ADAT1: variants seen among roughly 807,000 people sequenced by gnomAD.
ADAT1 encodes the protein adenosine deaminase tRNA specific 1.
A neutral mutation model predicts 58.6 loss-of-function variants in ADAT1; 58 were observed. The ratio of observed to expected loss-of-function variants is 0.99; its 90% CI spans 0.80 to 1.23. The LOEUF (loss-of-function observed/expected upper bound fraction) is 1.23, where lower values mean the gene tolerates loss of function less well. Ranked by LOEUF, ADAT1 falls within the 50% of genes most tolerant of loss-of-function variation. ADAT1 has a pLI of 0.00. For missense variants in ADAT1, 741 were observed against 608.6 expected (o/e 1.22, Z -2.29); for synonymous variants, 254 against 220.8 (o/e 1.15, Z -1.33).
rs746290396 is a variant in ADAT1, at chr16:75,617,251, C to T, written c.315G>A (p.Gln105=). The part of the protein sequence containing the change: ...SFQRYLLHQL[Q]LAATLKEDSI... ...TATCCTCTTTCAGGGTGGCTGCCAA[C>T]TGGAGTTGGTGGAGAAGGTACCTAA... is the stretch of plus-strand genomic sequence containing the variant. Residue 105 remains glutamine, a synonymous_variant, in exon 5 of 10, where the codon CAG becomes CAA. Transcript: ENST00000564657. 6.2e-7 allele frequency: 1 copy of T among 1,613,470 alleles called. No individual in the cohort carries two copies. Among genetic ancestry groups the T allele is most frequent in the Non-Finnish European group, 8.5e-7 (1 of 1,179,476 alleles).
chr16:75,604,378 A>G (rs2081305789), intron 8 of ADAT1, among the ~76,000 whole-genome samples: 1 of 142,762 alleles, frequency 7.0e-6, no homozygotes. Context: ...GGTTGCAGTG[A>G]GCCAAGACTG....
rs2081310683 is a variant in ADAT1 at position 75,604,455 on chromosome 16, A to AT, written c.1290-1285_1290-1284insA. ...CTCAAAAAAAAAAAAAAAAAAAAAAAAATATATATATATATATATACACAC... is the reference window on the plus strand; with the variant it reads ...CTCAAAAAAAAAAAAAAAAAAAAAAATAATATATATATATATATATACACAC... On this transcript the variant is annotated intron_variant, in intron 8 of 9. Coordinates refer to ENST00000564657, the MANE Select transcript of ADAT1 (RefSeq NM_001324445.2). Among the ~76,000 whole-genome samples the AT allele has an allele frequency of 3.5e-3, 248 of 71,484 alleles. 1 individual carries two copies. The highest frequency in any genetic ancestry group is 4.0e-3 in the Non-Finnish European group (181 of 45,012). 46.9% of individuals were successfully genotyped at this position (71,484 alleles called of 152,430 possible).
At chr16:75,612,161 G>C in intron 6 of ADAT1, 82 bp downstream of exon 6, 1 of 1,447,742 alleles carries the variant, frequency 6.9e-7, no homozygotes, top group Non-Finnish European at 9.4e-7. Context: ...AAAAGGTATG[G>C]AGATTCTTAA....
intron 6 of ADAT1, 31 bp downstream of exon 6, chr16:75,612,212 T>G (rs766517136): frequency 9.4e-6 from 15 of 1,600,224 alleles, no homozygotes; most frequent in Non-Finnish European, 1.3e-5. Flanking sequence ...TTGGAATGAC[T>G]GTTCCAATTG....
chr16:75,612,277 T>G lies in ADAT1; in HGVS notation c.1009A>C (p.Ser337Arg), dbSNP rs1454823911. ...SAVVIGKCPYSQEAMQRALIG... is the reference protein window; with the variant it reads ...SAVVIGKCPYRQEAMQRALIG... ...AGTGCTCTCTGCATGGCTTCCTGGCTGTATGGGCACTTCCCAATGACCACA... is the reference window on the plus strand; with the variant it reads ...AGTGCTCTCTGCATGGCTTCCTGGCGGTATGGGCACTTCCCAATGACCACA... Residue 337 changes from serine (S) to arginine (R), a missense_variant, in exon 6 of 10, where the codon AGC becomes CGC. Coordinates refer to ENST00000564657, the MANE Select transcript of ADAT1 (RefSeq NM_001324445.2). 4 of 1,614,032 alleles carry G rather than the reference T, an allele frequency of 2.5e-6. No homozygotes were observed. In the Admixed American group the frequency reaches 5.0e-5, roughly 20 times the overall value.
chr16:75,616,331 A>G (rs572154246), intron 5 of ADAT1, among the ~76,000 whole-genome samples: 4 of 150,566 alleles, frequency 2.7e-5, no homozygotes, highest in East Asian at 3.9e-4. Flanking sequence ...AGCTGTATCT[A>G]TATTTTCAAT....
At position 75,616,584 on chromosome 16, in the gene ADAT1, C is replaced by T. The variant is rs1027553670; in HGVS notation, c.424+558G>A. ...AAGACGGAAATGACACCCCCTTCAC[C>T]CCAGGCTAGGTCTTCCTGTCTTATG... On this transcript the variant is annotated intron_variant, in intron 5 of 9. Transcript: ENST00000564657. Among the ~76,000 whole-genome samples, 3 of 152,228 alleles carry T rather than the reference C, an allele frequency of 2.0e-5. No individual in the cohort carries two copies. In the East Asian group the frequency reaches 5.8e-4, roughly 29 times the overall value.
chr16:75,620,150 T>C (rs1242618539), intron 3 of ADAT1, 116 bp downstream of exon 3: 2 of 993,314 alleles, frequency 2.0e-6, no homozygotes, highest in Admixed American at 1.8e-5. Flanking sequence ...TGATAGTCAG[T>C]AGGAAACAAA....
At chr16:75,608,714 C>T in intron 7 of ADAT1, 129 bp downstream of exon 7, 2 of 1,183,194 alleles carry the variant, frequency 1.7e-6, no homozygotes, top group Non-Finnish European at 2.3e-6. Context: ...ATGGGTGTCT[C>T]TAAAGCCCAC....
At chr16:75,618,125 G>T (rs1314289356) in intron 4 of ADAT1, among the ~76,000 whole-genome samples, 4 of 104,574 alleles carry the variant, frequency 3.8e-5, no homozygotes, top group South Asian at 2.8e-4. Flanking sequence ...AAAAAAAAAA[G>T]AGAGAACCAC....
In ADAT1 at chr16:75,600,198, A is replaced by G; in HGVS notation, c.*18T>C. The G allele has an allele frequency of 6.2e-7, 1 of 1,613,884 alleles. No homozygotes were observed. The highest frequency in any genetic ancestry group is 8.5e-7 in the Non-Finnish European group (1 of 1,179,750). ...GTTCAGGATGAAGGGTCCTGCTACC[A>G]GAGCAAACATTTCCTTCTCACTTGA... is the stretch of plus-strand genomic sequence containing the variant. On this transcript the variant is annotated 3_prime_UTR_variant, in exon 10 of 10. Coordinates refer to ENST00000564657, the MANE Select transcript of ADAT1 (RefSeq NM_001324445.2).
At chr16:75,607,814 T>C (rs543848224) in intron 8 of ADAT1, among the ~76,000 whole-genome samples, 183 of 152,230 alleles carry the variant, frequency 1.2e-3, no homozygotes, top group African/African-American at 4.3e-3. Context: ...CTATTCACAA[T>C]AGCCAAAGAG....
Position 75,600,269 on chromosome 16 carries a change from G to C in ADAT1, c.1456C>G (p.Gln486Glu). ...TTTCTGATCCAGGATCCAAACACCT[G>C]CTTCCGGAGTGTGCTCCAGGCTTCC... is the stretch of plus-strand genomic sequence containing the variant. ...YQEAWSTLRK[Q>E]VFGSWIRNPP... is the part of the protein sequence containing the mutation. The change falls in exon 10 of 10, where the codon CAG becomes GAG. Residue 486 changes from glutamine to glutamate, a missense_variant. Transcript: ENST00000564657. 1 of 1,614,178 alleles carries C rather than the reference G, an allele frequency of 6.2e-7. No individual in the cohort carries two copies. The highest frequency in any genetic ancestry group is 1.1e-5 in the South Asian group (1 of 91,084).
intron 5 of ADAT1, among the ~76,000 whole-genome samples, chr16:75,616,004 CTT>C (rs529617080): frequency 2.8e-5 from 4 of 144,916 alleles, no homozygotes; most frequent in Non-Finnish European, 1.5e-5. Flanking sequence ...TCTTCTCTCT[CTT>C]TTTTTTTTTT....
chr16:75,602,491 A>G (rs575522130), intron 9 of ADAT1, among the ~76,000 whole-genome samples: 1 of 152,278 alleles, frequency 6.6e-6, no homozygotes, highest in South Asian at 2.1e-4. Context: ...GGGAGTGGAG[A>G]CACTCAAATT....
At chr16:75,618,831 C>T in intron 3 of ADAT1, 191 bp from the exon 4 acceptor site, 2 of 568,708 alleles carry the variant, frequency 3.5e-6, no homozygotes, top group South Asian at 4.7e-5. Context: ...GCACTGTAGA[C>T]ATTTTGGGCC....
chr16:75,600,412 G>C lies in ADAT1; in HGVS notation c.1377-64C>G. On this transcript the variant is annotated intron_variant, in intron 9 of 9. Transcript: ENST00000564657. ...GAATAGCCCACCCCAGGGGCCACCA[G>C]ACACCTGAGCAAGCAACTGGACAGA... 5 of 1,593,410 alleles carry C rather than the reference G, an allele frequency of 3.1e-6. 1 individual carries two copies. The South Asian group carries it at 5.6e-5, about 18-fold the overall frequency.
chr16:75,599,782 G>A lies in ADAT1; in HGVS notation c.*434C>T. 2 of 992,986 alleles carry A rather than the reference G, an allele frequency of 2.0e-6. No individual in the cohort carries two copies. The highest frequency in any genetic ancestry group is 2.4e-6 in the Non-Finnish European group (2 of 834,484). 61.5% of individuals were successfully genotyped at this position (992,986 alleles called of 1,614,324 possible). A position where few individuals can be genotyped will look rare whatever the true frequency, so the allele number is the denominator to read the frequency against. On this transcript the variant is annotated 3_prime_UTR_variant, in exon 10 of 10. Coordinates refer to ENST00000564657, the MANE Select transcript of ADAT1 (RefSeq NM_001324445.2). ...AAGAATGGGAAAAGAATGGCTCCCT[G>A]AAGAAAGAAAGGCTGGGAATACAAA...
At chr16:75,612,213 G>A (rs901761901) in intron 6 of ADAT1, 30 bp downstream of exon 6, 4 of 1,601,564 alleles carry the variant, frequency 2.5e-6, no homozygotes, top group Admixed American at 3.4e-5. Flanking sequence ...TGGAATGACT[G>A]TTCCAATTGA....
Sources: gnomAD v4.1 joint callset for allele counts (sites outside exome capture counted in the v4.1 genomes callset) on GRCh38, gnomAD v4.1.1 for gene constraint, MANE v1.5 for transcripts, NCBI Gene and HGNC (gene_info 2026-07-23, HGNC 2026-07-21) for gene names.